SLC35D4: variants seen among roughly 807,000 people sequenced by gnomAD.
SLC35D4 encodes the protein UDP-N-acetylglucosamine transporter SLC35D4.
the SLC35D4 span, among the ~76,000 whole-genome samples, chr18:23,371,935 G>GTTTTTGTTTTTTTTTTTT: frequency 2.8e-5 from 1 of 35,480 alleles, no homozygotes; most frequent in Non-Finnish European, 4.9e-5. Context: ...TGTTTTTTTT[G>GTTTTTGTTTTTTTTTTTT]TTTTTTTTTT....
At chr18:23,253,736 C>G in the SLC35D4 span, 15 of 1,613,846 alleles carry the variant, frequency 9.3e-6, no homozygotes, top group Non-Finnish European at 1.2e-5. Flanking sequence ...CAGTCTGAAA[C>G]GAGAGATGCG....
At chr18:23,298,193 C>G in the SLC35D4 span, 1 of 1,059,826 alleles carries the variant, frequency 9.4e-7, no homozygotes, top group South Asian at 1.4e-5. Context: ...CCAGCCCGAA[C>G]TGCCATGCTT....
the SLC35D4 span, among the ~76,000 whole-genome samples, chr18:23,242,932 T>C: frequency 2.0e-5 from 3 of 152,132 alleles, no homozygotes; most frequent in African/African-American, 7.2e-5. Flanking sequence ...AGTAATTGAC[T>C]CAATGAAAGA....
chr18:23,290,194 C>T, the SLC35D4 span, among the ~76,000 whole-genome samples: 1 of 152,328 alleles, frequency 6.6e-6, no homozygotes, highest in Middle Eastern at 3.4e-3. Flanking sequence ...GCACCTCCCA[C>T]ACGTTTCATG....
the SLC35D4 span, among the ~76,000 whole-genome samples, chr18:23,374,015 C>T: frequency 6.6e-6 from 1 of 152,164 alleles, no homozygotes; most frequent in Non-Finnish European, 1.5e-5. Flanking sequence ...ATTTACAGGA[C>T]ATCTGCAAAA....
chr18:23,373,844 T>A, the SLC35D4 span: 1 of 1,485,752 alleles, frequency 6.7e-7, no homozygotes, highest in Non-Finnish European at 9.2e-7. Flanking sequence ...TGAAAATGCA[T>A]CCTCTGGAGT....
the SLC35D4 span, among the ~76,000 whole-genome samples, chr18:23,319,507 G>A: frequency 5.3e-5 from 8 of 152,170 alleles, no homozygotes; most frequent in South Asian, 8.3e-4. Context: ...CCAATGGTGC[G>A]ATCTTGGCTC....
At chr18:23,312,796 G>T in the SLC35D4 span, among the ~76,000 whole-genome samples, 1 of 151,812 alleles carries the variant, frequency 6.6e-6, no homozygotes, top group African/African-American at 2.4e-5. Flanking sequence ...GGTCAGTGCC[G>T]CAGAGCCTGG....
chr18:23,429,521 G>A, the SLC35D4 span, among the ~76,000 whole-genome samples: 5 of 152,086 alleles, frequency 3.3e-5, no homozygotes, highest in Admixed American at 2.0e-4. Context: ...TTACAGGAAT[G>A]TGCCATTATG....
At chr18:23,290,916 GCATGAGC>G in the SLC35D4 span, among the ~76,000 whole-genome samples, 1 of 152,046 alleles carries the variant, frequency 6.6e-6, no homozygotes, top group Non-Finnish European at 1.5e-5. Flanking sequence ...GGGATTACAG[GCATGAGC>G]CACCACACCC....
chr18:23,257,245 C>T, the SLC35D4 span: 7 of 1,605,638 alleles, frequency 4.4e-6, no homozygotes, highest in Non-Finnish European at 5.1e-6. Context: ...AGAGAAGTTC[C>T]GGCTGAACAG....
the SLC35D4 span, among the ~76,000 whole-genome samples, chr18:23,313,170 C>G: frequency 2.4e-5 from 3 of 125,634 alleles, no homozygotes; most frequent in Non-Finnish European, 5.3e-5. Context: ...ACCTGAGCCT[C>G]TGATCCTCCC....
chr18:23,298,000 G>A, the SLC35D4 span: 27 of 1,612,990 alleles, frequency 1.7e-5, no homozygotes, highest in South Asian at 5.5e-5. Context: ...TCTCTTGACC[G>A]TCTTGTTCAG....
chr18:23,404,793 C>T, the SLC35D4 span, among the ~76,000 whole-genome samples: 4 of 150,886 alleles, frequency 2.7e-5, no homozygotes, highest in East Asian at 3.9e-4. Flanking sequence ...CGAGACCATC[C>T]TAGCCAACAT....
the SLC35D4 span, chr18:23,298,030 A>C: frequency 6.2e-7 from 1 of 1,613,758 alleles, no homozygotes; most frequent in Non-Finnish European, 8.5e-7. Context: ...CGCTCTGAGA[A>C]AACCAGCAAG....
At chr18:23,282,081 G>C in the SLC35D4 span, among the ~76,000 whole-genome samples, 1 of 152,220 alleles carries the variant, frequency 6.6e-6, no homozygotes, top group Admixed American at 6.5e-5. Context: ...GCCCAGGTGA[G>C]TGGTGCCTGC....
chr18:23,344,901 AC>A, the SLC35D4 span, among the ~76,000 whole-genome samples: 1 of 152,094 alleles, frequency 6.6e-6, no homozygotes, highest in South Asian at 2.1e-4. Context: ...CACCTAGCCT[AC>A]CTTTTCATTT....
chr18:23,367,040 G>C, the SLC35D4 span, among the ~76,000 whole-genome samples: 1 of 151,780 alleles, frequency 6.6e-6, no homozygotes, highest in Non-Finnish European at 1.5e-5. Context: ...ATCCCTTTTT[G>C]GTTATAACTT....
At chr18:23,317,568 C>A in the SLC35D4 span, among the ~76,000 whole-genome samples, 4 of 152,092 alleles carry the variant, frequency 2.6e-5, no homozygotes, top group Admixed American at 6.6e-5. Flanking sequence ...GAAATACATG[C>A]AAAGAGCACT....
Sources: allele counts gnomAD v4.1 joint callset (sites outside exome capture counted in the v4.1 genomes callset), GRCh38; gene constraint gnomAD v4.1.1; transcripts MANE v1.5; gene names NCBI Gene and HGNC (gene_info 2026-07-23, HGNC 2026-07-21).